DNAH6: variants seen among roughly 807,000 people sequenced by gnomAD.
The protein encoded by DNAH6 is axonemal beta dynein heavy chain 6.
In DNAH6, 340 loss-of-function variants were observed where a neutral mutation model predicts 491.4. That is an observed-to-expected ratio of 0.69 (90% confidence interval 0.63 to 0.76). The LOEUF (loss-of-function observed/expected upper bound fraction) is 0.76, where lower values mean the gene tolerates loss of function less well. Ranked by LOEUF, DNAH6 falls within the 30% of genes least tolerant of loss-of-function variation. The probability of loss-of-function intolerance (pLI) is 0.00; values close to 1 mark genes in which losing one functional copy is unlikely to be tolerated. For missense variants in DNAH6, 4,443 were observed against 4,972.2 expected (o/e 0.89, Z 3.20); for synonymous variants, 1,603 against 1,686.1 (o/e 0.95, Z 1.21).
chr2:84,548,140 A>T, intron 7 of DNAH6, 148 bp from the exon 8 acceptor site: 1 of 720,034 alleles, frequency 1.4e-6, no homozygotes, highest in Non-Finnish European at 2.3e-6. Context: ...TATTTTGGAT[A>T]ATTGGGCTGT....
chr2:84,683,395 T>C (rs1693980048), intron 42 of DNAH6, among the ~76,000 whole-genome samples: 1 of 150,122 alleles, frequency 6.7e-6, no homozygotes, highest in Non-Finnish European at 1.5e-5. Flanking sequence ...CAGTGCCCTT[T>C]GTTCTACACC....
intron 21 of DNAH6, among the ~76,000 whole-genome samples, chr2:84,609,670 TATAATA>T (rs35531519): frequency 1.3e-5 from 2 of 150,472 alleles, no homozygotes; most frequent in Non-Finnish European, 3.0e-5. Flanking sequence ...CCATAACAGA[TATAATA>T]ATAATAATAA....
rs1228217794 is a variant in DNAH6 at position 84,624,507 on chromosome 2, T to C, written c.4240T>C (p.Tyr1414His). Residue 1414 changes from tyrosine to histidine, a missense_variant, in exon 28 of 77, where the codon TAT becomes CAT. Transcript: ENST00000389394. Reference sequence around the variant, plus strand: ...TTTTGACTGGCAGAGACAACTGCGCTATTACTGGGATATAGACCTGGATAA... The same window carrying C: ...TTTTGACTGGCAGAGACAACTGCGCCATTACTGGGATATAGACCTGGATAA... ...ESFDWQRQLRYYWDIDLDNCV... is the reference protein window; with the variant it reads ...ESFDWQRQLRHYWDIDLDNCV... The C allele has an allele frequency of 6.4e-7, 1 of 1,551,992 alleles. No individual in the cohort carries two copies. Among genetic ancestry groups the C allele is most frequent in the East Asian group, 2.4e-5 (1 of 40,910 alleles).
chr2:84,504,769 A>G, the DNAH6 span, among the ~76,000 whole-genome samples: 1 of 152,180 alleles, frequency 6.6e-6, no homozygotes, highest in Non-Finnish European at 1.5e-5. Context: ...GTAGCTTTGT[A>G]GTAAGTTTTC....
chr2:84,734,196 G>T (rs1170102588), intron 62 of DNAH6, among the ~76,000 whole-genome samples: 2 of 142,400 alleles, frequency 1.4e-5, no homozygotes, highest in Admixed American at 7.3e-5. Flanking sequence ...CGCCCAGGCT[G>T]GAGTGCAGTG....
At chr2:84,650,528 A>G (rs1212450880) in intron 33 of DNAH6, among the ~76,000 whole-genome samples, 1 of 147,532 alleles carries the variant, frequency 6.8e-6, no homozygotes, top group African/African-American at 2.5e-5. Flanking sequence ...AGATGTCCTT[A>G]TATTCTTTTG....
chr2:84,708,644 AAGAG>A (rs541681805), intron 54 of DNAH6, among the ~76,000 whole-genome samples: 14 of 152,116 alleles, frequency 9.2e-5, no homozygotes, highest in South Asian at 2.1e-4. Flanking sequence ...GGAAGAAAGA[AAGAG>A]AGAAAGAAAG....
chr2:84,785,340 G>GA (rs1042203841), intron 66 of DNAH6, among the ~76,000 whole-genome samples: 9 of 152,280 alleles, frequency 5.9e-5, no homozygotes, highest in Non-Finnish European at 1.0e-4. Flanking sequence ...CCTGTGTTTA[G>GA]AAAAAATGGA....
At chr2:84,613,286 G>A (rs1437000817) in intron 22 of DNAH6, among the ~76,000 whole-genome samples, 2 of 152,084 alleles carry the variant, frequency 1.3e-5, no homozygotes, top group African/African-American at 4.8e-5. Context: ...TCAAAGGCAA[G>A]GCTCCCAAGG....
At chr2:84,507,043 C>A in the DNAH6 span, among the ~76,000 whole-genome samples, 1 of 152,034 alleles carries the variant, frequency 6.6e-6, no homozygotes, top group Admixed American at 6.6e-5. Context: ...TGACTTGGCA[C>A]TGCAGGCTCT....
At chr2:84,778,166 G>A in intron 64 of DNAH6, 1 of 738,282 alleles carries the variant, frequency 1.4e-6, no homozygotes, top group Non-Finnish European at 2.5e-6. Context: ...TCTTATCCTG[G>A]GGAGGTCTCT....
At chr2:84,676,637 G>T (rs1693258278) in intron 40 of DNAH6, among the ~76,000 whole-genome samples, 1 of 152,154 alleles carries the variant, frequency 6.6e-6, no homozygotes, top group South Asian at 2.1e-4. Flanking sequence ...CTAATCCAGT[G>T]CTCCAGCCAA....
Position 84,555,271 on chromosome 2 carries a change from T to C in DNAH6, c.1602+2237T>C, listed in dbSNP as rs916251287. On this transcript the variant is annotated intron_variant, in intron 10 of 76. Transcript: ENST00000389394. ...CTAATACTTGATTCAATATATACTT[T>C]TGAATTCTAATATTTCTTGGTGTGT... 2.0e-5 allele frequency among the ~76,000 whole-genome samples: 3 copies of C among 152,216 alleles called. 1 individual carries two copies. The highest frequency in any genetic ancestry group is 2.0e-4 in the Admixed American group (3 of 15,292).
chr2:84,509,671 G>A, the DNAH6 span, among the ~76,000 whole-genome samples: 143,506 of 152,270 alleles, frequency 0.94, 67,670 homozygotes, highest in East Asian at 1. Flanking sequence ...TCCTAGCCTC[G>A]ATGGTCTTTA....
At chr2:84,781,445 G>C (rs1478798780) in intron 64 of DNAH6, 48 bp from the exon 65 acceptor site, 1 of 1,452,938 alleles carries the variant, frequency 6.9e-7, no homozygotes, top group East Asian at 2.5e-5. Context: ...TATTGATTTT[G>C]CTTTAAAATA....
intron 5 of DNAH6, among the ~76,000 whole-genome samples, chr2:84,546,243 G>A (rs535375216): frequency 6.6e-6 from 1 of 152,138 alleles, no homozygotes; most frequent in South Asian, 2.1e-4. Flanking sequence ...CAAAATCCAC[G>A]GATGCTCAAG....
At chr2:84,534,524 C>A (rs897531456) in intron 4 of DNAH6, among the ~76,000 whole-genome samples, 1 of 152,038 alleles carries the variant, frequency 6.6e-6, no homozygotes, top group Non-Finnish European at 1.5e-5. Flanking sequence ...CTCAGTTTAT[C>A]AGCAAAACTC....
At chr2:84,670,845 G>T (rs532098066) in intron 39 of DNAH6, among the ~76,000 whole-genome samples, 111 of 152,316 alleles carry the variant, frequency 7.3e-4, no homozygotes, top group African/African-American at 2.5e-3. Context: ...GACTGTTTTG[G>T]TTTTTTCTTC....
At chr2:84,715,972 T>G (rs1697492724) in intron 58 of DNAH6, among the ~76,000 whole-genome samples, 1 of 152,142 alleles carries the variant, frequency 6.6e-6, no homozygotes. Context: ...TTCCTAGAAA[T>G]GCACTGGTCC....
Sources: allele counts gnomAD v4.1 joint callset (sites outside exome capture counted in the v4.1 genomes callset), GRCh38; gene constraint gnomAD v4.1.1; transcripts MANE v1.5; gene names NCBI Gene and HGNC (gene_info 2026-07-23, HGNC 2026-07-21).